The following RNLS variants were observed in gnomAD, a reference collection of about 807,000 sequenced individuals.
The protein encoded by RNLS is renalase, FAD dependent amine oxidase.
Under a neutral mutation model 39.8 loss-of-function variants are expected in RNLS, and 39 were observed. The observed-to-expected ratio is 0.98, with a 90% CI of 0.76 to 1.28. The LOEUF (loss-of-function observed/expected upper bound fraction) is 1.28, where lower values mean the gene tolerates loss of function less well. RNLS is among the 50% of genes most tolerant of loss of function. The pLI, the probability that RNLS is intolerant of heterozygous loss-of-function variation, is 0.00. For synonymous variants in RNLS, 147 were observed against 150.7 expected (o/e 0.98, Z 0.18); for missense variants, 410 against 413.3 (o/e 0.99, Z 0.07).
intron 5 of RNLS, among the ~76,000 whole-genome samples, chr10:88,339,005 G>A (rs770356685): frequency 6.6e-6 from 1 of 152,064 alleles, no homozygotes; most frequent in Non-Finnish European, 1.5e-5. Context: ...TCATGATCCT[G>A]CCCGCCTCGG....
chr10:88,552,626 C>T (rs1325851202), intron 4 of RNLS, among the ~76,000 whole-genome samples: 1 of 152,128 alleles, frequency 6.6e-6, no homozygotes, highest in Non-Finnish European at 1.5e-5. Context: ...ATTGTGTTCA[C>T]AGATTTTTCC....
intron 4 of RNLS, among the ~76,000 whole-genome samples, chr10:88,370,418 C>T (rs547987729): frequency 6.6e-6 from 1 of 152,254 alleles, no homozygotes; most frequent in South Asian, 2.1e-4. Flanking sequence ...TAAGCTCCCA[C>T]CAGAAGTTTT....
At chr10:88,482,201 G>C (rs1031525474) in intron 4 of RNLS, among the ~76,000 whole-genome samples, 1 of 151,982 alleles carries the variant, frequency 6.6e-6, no homozygotes, top group African/African-American at 2.4e-5. Flanking sequence ...TTCAAATTTG[G>C]CAACTCTTTG....
the RNLS span, among the ~76,000 whole-genome samples, chr10:88,184,286 C>T: frequency 2.1e-4 from 32 of 152,204 alleles, no homozygotes; most frequent in Admixed American, 1.3e-3. Context: ...ATTCAACTAC[C>T]CAGGCCTTGA....
At chr10:88,302,123 G>A (rs1844575409) in intron 6 of RNLS, among the ~76,000 whole-genome samples, 1 of 152,198 alleles carries the variant, frequency 6.6e-6, no homozygotes, top group Non-Finnish European at 1.5e-5. Flanking sequence ...ACCATTTACA[G>A]ATGAGGACCT....
At chr10:88,293,039 C>G (rs1485727483) in intron 6 of RNLS, among the ~76,000 whole-genome samples, 1 of 152,048 alleles carries the variant, frequency 6.6e-6, no homozygotes, top group Non-Finnish European at 1.5e-5. Flanking sequence ...CAGAGTGAGA[C>G]TCTGTCTCAA....
chr10:88,353,049 C>A (rs746766790), intron 5 of RNLS, among the ~76,000 whole-genome samples: 13 of 151,982 alleles, frequency 8.6e-5, no homozygotes, highest in Non-Finnish European at 1.8e-4. Flanking sequence ...TGGGGATATC[C>A]CCTTTATCAT....
intron 4 of RNLS, among the ~76,000 whole-genome samples, chr10:88,562,215 A>G (rs1396554996): frequency 1.3e-5 from 2 of 152,116 alleles, no homozygotes; most frequent in Non-Finnish European, 2.9e-5. Flanking sequence ...GCATCAGTTT[A>G]TAAGAATATG....
rs887128635 is a variant in RNLS at position 88,572,822 on chromosome 10, C to G, written c.526+81G>C. On this transcript the variant is annotated intron_variant, in intron 4 of 6. Coordinates refer to ENST00000331772, the MANE Select transcript of RNLS (RefSeq NM_001031709.3). ...AATAGAGTCTATCACTTGTCCTTTG[C>G]GAAGAGAGTTAAACCAAATTCATGC... 8 of 1,432,560 alleles carry G rather than the reference C, an allele frequency of 5.6e-6. No individual in the cohort carries two copies. In the Admixed American group the frequency reaches 7.8e-5, roughly 14 times the overall value. The allele number at this position is 1,432,560 out of a possible 1,614,324, so 88.7% of individuals were successfully genotyped here.
chr10:88,392,380 T>C (rs1317734648), intron 4 of RNLS, among the ~76,000 whole-genome samples: 1 of 152,186 alleles, frequency 6.6e-6, no homozygotes, highest in Non-Finnish European at 1.5e-5. Flanking sequence ...ATCTAAATTC[T>C]CAACTCTGCC....
chr10:88,310,801 C>CAAA (rs577838661), intron 6 of RNLS, among the ~76,000 whole-genome samples: 8 of 19,596 alleles, frequency 4.1e-4, no homozygotes, highest in African/African-American at 1.2e-3. Context: ...CTACCTCTGC[C>CAAA]AAAAAAAAAA....
downstream of RNLS, among the ~76,000 whole-genome samples, chr10:88,270,421 G>A (rs927037059): frequency 1.5e-4 from 23 of 152,158 alleles, no homozygotes; most frequent in African/African-American, 5.3e-4. Context: ...AGTCTTGCTT[G>A]TTAGATACTG....
At chr10:88,398,272 G>A (rs1852689295) in intron 4 of RNLS, among the ~76,000 whole-genome samples, 1 of 152,054 alleles carries the variant, frequency 6.6e-6, no homozygotes, top group African/African-American at 2.4e-5. Flanking sequence ...AAAGGAATAA[G>A]TGAGTCAGGG....
intron 4 of RNLS, among the ~76,000 whole-genome samples, chr10:88,510,180 T>C (rs1274341516): frequency 1.3e-5 from 2 of 152,050 alleles, no homozygotes; most frequent in Non-Finnish European, 2.9e-5. Flanking sequence ...CCCAATAGAA[T>C]AGCACGGTGT....
chr10:88,448,966 A>G (rs553916352), intron 4 of RNLS, among the ~76,000 whole-genome samples: 3 of 152,340 alleles, frequency 2.0e-5, no homozygotes, highest in Non-Finnish European at 2.9e-5. Context: ...ACTTGGACAC[A>G]GGAAGGGGAA....
the RNLS span, among the ~76,000 whole-genome samples, chr10:88,262,495 G>A: frequency 5.9e-5 from 9 of 152,282 alleles, no homozygotes; most frequent in Non-Finnish European, 8.8e-5. Context: ...ATGCCAGTGT[G>A]ACTCATAATT....
intron 4 of RNLS, among the ~76,000 whole-genome samples, chr10:88,425,186 C>T (rs190850117): frequency 6.6e-6 from 1 of 152,224 alleles, no homozygotes; most frequent in East Asian, 1.9e-4. Flanking sequence ...CCCCACGCTT[C>T]ATCAGAACAG....
At chr10:88,247,849 T>C in the RNLS span, among the ~76,000 whole-genome samples, 1 of 152,254 alleles carries the variant, frequency 6.6e-6, no homozygotes, top group South Asian at 2.1e-4. Flanking sequence ...TGATGAGATA[T>C]GAGAAAGACT....
At chr10:88,448,011 G>A (rs1842141023) in intron 4 of RNLS, among the ~76,000 whole-genome samples, 1 of 152,148 alleles carries the variant, frequency 6.6e-6, no homozygotes, top group Non-Finnish European at 1.5e-5. Context: ...ATTAATTCAA[G>A]ATGGATTAAA....
Sources: allele counts gnomAD v4.1 joint callset (sites outside exome capture counted in the v4.1 genomes callset), GRCh38; gene constraint gnomAD v4.1.1; transcripts MANE v1.5; gene names NCBI Gene and HGNC (gene_info 2026-07-23, HGNC 2026-07-21).